The following CNTNAP4 variants were observed in gnomAD, a reference collection of about 807,000 sequenced individuals.
The protein encoded by CNTNAP4 is contactin associated protein family member 4.
Under a neutral mutation model 148.4 loss-of-function variants are expected in CNTNAP4, and 98 were observed. The observed-to-expected ratio is 0.66, with a 90% CI of 0.56 to 0.78. The LOEUF is 0.78. CNTNAP4 is among the 30% of genes least tolerant of loss of function. The probability of loss-of-function intolerance (pLI) is 0.00; values close to 1 mark genes in which losing one functional copy is unlikely to be tolerated. For synonymous variants in CNTNAP4, 730 were observed against 565.1 expected, an observed-to-expected ratio of 1.29 and a Z score of -4.14; for missense variants, 1,935 against 1,565.6, an observed-to-expected ratio of 1.24 and a Z score of -3.98.
At chr16:76,376,403 G>C (rs1261670387) in intron 3 of CNTNAP4, among the ~76,000 whole-genome samples, 2 of 152,184 alleles carry the variant, frequency 1.3e-5, no homozygotes. Context: ...GATGGAGTGA[G>C]AGGATTCAAA....
At chr16:76,374,107 G>A (rs148546714) in intron 3 of CNTNAP4, among the ~76,000 whole-genome samples, 180 of 152,138 alleles carry the variant, frequency 1.2e-3, no homozygotes, top group Non-Finnish European at 2.3e-3. Flanking sequence ...ATACTGAAAC[G>A]TTGTCTCCCT....
At position 76,559,521 on chromosome 16, in the gene CNTNAP4, T is replaced by C. The variant is rs983463156; in HGVS notation, c.*838T>C. 2.0e-5 allele frequency among the ~76,000 whole-genome samples: 3 copies of C among 152,208 alleles called. No individual in the cohort carries two copies. Among genetic ancestry groups the C allele is most frequent in the Admixed American group, 6.5e-5 (1 of 15,274 alleles). ...AATGTTTTCAACTAAACTGTTGATA[T>C]ATTAAAAAAAATTCTTAACACAGCA... On this transcript the variant is annotated 3_prime_UTR_variant, in exon 24 of 24. Coordinates refer to ENST00000611870, the MANE Select transcript of CNTNAP4 (RefSeq NM_033401.5).
chr16:76,510,748 A>G (rs1034647068), intron 15 of CNTNAP4, among the ~76,000 whole-genome samples: 2 of 152,140 alleles, frequency 1.3e-5, no homozygotes, highest in East Asian at 3.9e-4. Flanking sequence ...TGTATGCTTT[A>G]TTTTCAGAAT....
chr16:76,385,962 A>G (rs2016477599), intron 3 of CNTNAP4, among the ~76,000 whole-genome samples: 1 of 152,168 alleles, frequency 6.6e-6, no homozygotes, highest in Non-Finnish European at 1.5e-5. Context: ...AATGCACAAA[A>G]ATGTGAAAAA....
At chr16:76,366,743 A>G (rs1280015031) in intron 3 of CNTNAP4, among the ~76,000 whole-genome samples, 4 of 152,198 alleles carry the variant, frequency 2.6e-5, no homozygotes, top group Admixed American at 1.3e-4. Flanking sequence ...ACTCCCACCA[A>G]CAGTGTATAA....
In CNTNAP4 at chr16:76,506,219, A is replaced by G. The variant is rs1203029788; in HGVS notation, c.2365+7525A>G. Among the ~76,000 whole-genome samples, 4 of 96,214 alleles carry G rather than the reference A, an allele frequency of 4.2e-5. 2 individuals carry two copies. The highest frequency in any genetic ancestry group is 2.0e-4 in the Admixed American group (2 of 9,902). The allele number at this position is 96,214 out of a possible 152,430, so 63.1% of individuals were successfully genotyped here. A position where few individuals can be genotyped will look rare whatever the true frequency, so the allele number is the denominator to read the frequency against. ...GTATTTATTTTTGAGGAACCATCCA[A>G]AGTCTTTTAGACCAACAGTTCCTCC... is the stretch of plus-strand genomic sequence containing the variant. On this transcript the variant is annotated intron_variant, in intron 15 of 23. Coordinates refer to ENST00000611870, the MANE Select transcript of CNTNAP4 (RefSeq NM_033401.5).
intron 1 of CNTNAP4, among the ~76,000 whole-genome samples, chr16:76,303,527 C>G (rs1360857516): frequency 6.6e-6 from 1 of 152,170 alleles, no homozygotes; most frequent in Admixed American, 6.5e-5. Flanking sequence ...GTAGCACATA[C>G]TTAGGAGGAC....
At chr16:76,479,613 G>T in intron 12 of CNTNAP4, 75 bp downstream of exon 12, 2 of 1,478,334 alleles carry the variant, frequency 1.4e-6, no homozygotes, top group Non-Finnish European at 1.8e-6. Context: ...AATGAAATAA[G>T]CAGAATGTTG....
rs1179506324 is a variant in CNTNAP4 at position 76,558,737 on chromosome 16, G to T, written c.*54G>T. 3 of 1,324,128 alleles carry T rather than the reference G, an allele frequency of 2.3e-6. No homozygotes were observed. In the Admixed American group the frequency reaches 6.7e-5, roughly 30 times the overall value. The allele number at this position is 1,324,128 out of a possible 1,614,324, so 82.0% of individuals were successfully genotyped here. On this transcript the variant is annotated 3_prime_UTR_variant, in exon 24 of 24. Coordinates refer to ENST00000611870, the MANE Select transcript of CNTNAP4 (RefSeq NM_033401.5). ...TGATAGTTTGTTTTAATAGCCAGGG[G>T]TTCTCAATGGAAAAACGAATGCTCT...
In CNTNAP4 at chr16:76,312,781, A is replaced by G. The variant is rs985258216; in HGVS notation, c.86-3632A>G. Among the ~76,000 whole-genome samples, 7 of 152,174 alleles carry G rather than the reference A, an allele frequency of 4.6e-5. 1 individual carries two copies. Among genetic ancestry groups the G allele is most frequent in the Admixed American group, 4.6e-4 (7 of 15,278 alleles). ...ACAATGAGAAGAGCAAATTAATCGAACTGTGTTCAATGATCTCATCTGCAA... is the reference window on the plus strand; with the variant it reads ...ACAATGAGAAGAGCAAATTAATCGAGCTGTGTTCAATGATCTCATCTGCAA... On this transcript the variant is annotated intron_variant, in intron 1 of 23. Transcript: ENST00000611870.
At position 76,315,998 on chromosome 16, in the gene CNTNAP4, T is replaced by C. The variant is rs143160744; in HGVS notation, c.86-415T>C. 5.5e-4 allele frequency among the ~76,000 whole-genome samples: 84 copies of C among 152,322 alleles called. No individual in the cohort carries two copies. In the East Asian group the frequency reaches 0.015, roughly 28 times the overall value. Reference sequence around the variant, plus strand: ...TATTTTGTGTTTTATTTTCCTTTATTTGGAATACTAATTGTATACTGGGTT... The same window carrying C: ...TATTTTGTGTTTTATTTTCCTTTATCTGGAATACTAATTGTATACTGGGTT... On this transcript the variant is annotated intron_variant, in intron 1 of 23. Transcript: ENST00000611870.
At chr16:76,434,479 G>T (rs1352237977) in intron 4 of CNTNAP4, among the ~76,000 whole-genome samples, 1 of 152,150 alleles carries the variant, frequency 6.6e-6, no homozygotes, top group Non-Finnish European at 1.5e-5. Context: ...TACAACAGCT[G>T]CAATTGCAAT....
intron 4 of CNTNAP4, among the ~76,000 whole-genome samples, chr16:76,438,496 T>C (rs111368721): frequency 6.6e-5 from 10 of 151,508 alleles, no homozygotes; most frequent in South Asian, 4.1e-4. Context: ...ACAAGAGTAT[T>C]GCCTTGGGAG....
chr16:76,521,187 C>T lies in CNTNAP4; in HGVS notation c.2413C>T (p.His805Tyr). 1 of 1,608,252 alleles carries T rather than the reference C, an allele frequency of 6.2e-7. No homozygotes were observed. Residue 805 changes from histidine (H) to tyrosine (Y), a missense_variant, in exon 16 of 24, where the codon CAT becomes TAT. Coordinates refer to ENST00000611870, the MANE Select transcript of CNTNAP4 (RefSeq NM_033401.5). ...ASFDTEASYL[H>Y]FPTFHGELSA... The stretch of plus-strand genomic sequence containing the variant: ...CTTTGATACCGAGGCTTCATATCTT[C>T]ATTTTCCTACCTTCCACGGAGAACT...
At chr16:76,355,537 T>A (rs1442638581) in intron 3 of CNTNAP4, 26 bp downstream of exon 3, 3 of 1,546,078 alleles carry the variant, frequency 1.9e-6, no homozygotes, top group Non-Finnish European at 2.6e-6. Flanking sequence ...AAAGACATAG[T>A]CTCTCGGGGA....
chr16:76,543,270 C>G (rs1312083008), intron 21 of CNTNAP4, among the ~76,000 whole-genome samples: 2 of 152,124 alleles, frequency 1.3e-5, no homozygotes, highest in Admixed American at 1.3e-4. Flanking sequence ...AAACCCATAA[C>G]TTGTGGTCAA....
intron 3 of CNTNAP4, among the ~76,000 whole-genome samples, chr16:76,392,600 C>T (rs1438011020): frequency 6.6e-6 from 1 of 152,104 alleles, no homozygotes; most frequent in Admixed American, 6.6e-5. Context: ...ACATGTAGTG[C>T]AGAGATTTAT....
chr16:76,332,695 G>A (rs980181890), intron 2 of CNTNAP4, among the ~76,000 whole-genome samples: 2 of 151,684 alleles, frequency 1.3e-5, no homozygotes, highest in African/African-American at 4.8e-5. Context: ...TTTTCCATAG[G>A]TCTCTTAGAT....
intron 4 of CNTNAP4, among the ~76,000 whole-genome samples, chr16:76,436,805 G>A (rs1276274553): frequency 6.6e-6 from 1 of 152,062 alleles, no homozygotes; most frequent in Non-Finnish European, 1.5e-5. Context: ...ACTATTAGAA[G>A]TAGAGTCCTT....
Sources: allele counts gnomAD v4.1 joint callset (sites outside exome capture counted in the v4.1 genomes callset), GRCh38; gene constraint gnomAD v4.1.1; transcripts MANE v1.5; gene names NCBI Gene and HGNC (gene_info 2026-07-23, HGNC 2026-07-21).